Variants in VPS13B observed in about 807,000 individuals in gnomAD.
VPS13B encodes the protein vacuolar protein sorting 13 homolog B.
VPS13B carries 285 observed loss-of-function variants against 426.4 expected under a neutral mutation model. The ratio of observed to expected loss-of-function variants is 0.67; its 90% CI spans 0.61 to 0.74. The LOEUF is 0.74. Ranked by LOEUF, VPS13B falls within the 30% of genes least tolerant of loss-of-function variation. VPS13B has a pLI of 0.00. For synonymous variants in VPS13B, 1,676 were observed against 1,676.4 expected (o/e 1.00, Z 0.01); for missense variants, 4,537 against 4,782.6 (o/e 0.95, Z 1.51).
chr8:99,391,716 G>A lies in VPS13B; in HGVS notation c.3082+12G>A. The A allele has an allele frequency of 2.5e-6, 4 of 1,613,654 alleles. No homozygotes were observed. Among genetic ancestry groups the A allele is most frequent in the Non-Finnish European group, 2.5e-6 (3 of 1,179,766 alleles). ...AAAAACGGTAACAGGTATGTGTCAA[G>A]TACTGTAAAGGGACTATGATTGTAC... On this transcript the variant is annotated intron_variant, in intron 21 of 61. Transcript: ENST00000357162.
At chr8:99,442,345 G>A (rs960453523) in intron 22 of VPS13B, 56 bp from the exon 23 acceptor site, 51 of 1,477,900 alleles carry the variant, frequency 3.5e-5, no homozygotes, top group Non-Finnish European at 4.6e-5. Context: ...GATGTTAGGT[G>A]TTTGAAGGCA....
At chr8:99,184,147 T>G (rs1456524209) in intron 16 of VPS13B, among the ~76,000 whole-genome samples, 2 of 152,188 alleles carry the variant, frequency 1.3e-5, no homozygotes, top group African/African-American at 4.8e-5. Context: ...TTTGTGTTGC[T>G]TACACTTTTA....
chr8:99,820,199 C>A (rs1271474961), intron 49 of VPS13B, 77 bp downstream of exon 49: 1 of 1,399,714 alleles, frequency 7.1e-7, no homozygotes, highest in Non-Finnish European at 1.0e-6. Flanking sequence ...CGTTTATGAT[C>A]TTAACAGAAT....
rs781618624 is a variant in VPS13B at position 99,720,920 on chromosome 8, G to A, written c.6923G>A (p.Cys2308Tyr). The A allele has an allele frequency of 6.2e-7, 1 of 1,613,890 alleles. No homozygotes were observed. The highest frequency in any genetic ancestry group is 8.5e-7 in the Non-Finnish European group (1 of 1,179,910). Residue 2308 changes from cysteine to tyrosine, a missense_variant, in exon 39 of 62, where the codon TGC becomes TAC. Cys to Tyr is a radical substitution (Grantham distance 194). Around this residue, in one of 2 missense-constraint regions of VPS13B, gnomAD observed 4,311 missense variants for 4,474.3 expected, o/e 0.96. Coordinates refer to ENST00000357162, the MANE Select transcript of VPS13B (RefSeq NM_152564.5). ...TTATTTTATAATGAAACTGAAGATT[G>A]CCCAGGGATGATGTTATGGAGATAT... is the stretch of plus-strand genomic sequence containing the variant. ...EVLFYNETEDCPGMMLWRYPE... is the reference protein window; with the variant it reads ...EVLFYNETEDYPGMMLWRYPE...
chr8:99,656,346 G>A (rs553642520), intron 34 of VPS13B, among the ~76,000 whole-genome samples: 9 of 152,264 alleles, frequency 5.9e-5, no homozygotes, highest in African/African-American at 1.7e-4. Flanking sequence ...GGACAGGAGC[G>A]TAAATGTGCT....
intron 35 of VPS13B, among the ~76,000 whole-genome samples, chr8:99,692,627 A>C (rs1190798001): frequency 7.7e-6 from 1 of 129,496 alleles, no homozygotes; most frequent in Non-Finnish European, 1.6e-5. Flanking sequence ...CATCACAATT[A>C]AAAGAACTAG....
At chr8:99,131,855 T>A (rs554772595) in intron 8 of VPS13B, among the ~76,000 whole-genome samples, 1 of 152,246 alleles carries the variant, frequency 6.6e-6, no homozygotes, top group South Asian at 2.1e-4. Flanking sequence ...CATGGAAGAT[T>A]TCTCTGTAGC....
intron 36 of VPS13B, among the ~76,000 whole-genome samples, chr8:99,710,053 A>G (rs1006969531): frequency 3.3e-5 from 5 of 152,218 alleles, no homozygotes; most frequent in Non-Finnish European, 7.3e-5. Context: ...TGATGATTTT[A>G]TATCGTAAAC....
At chr8:99,089,150 CTT>C (rs1438441232) in intron 3 of VPS13B, among the ~76,000 whole-genome samples, 1 of 152,148 alleles carries the variant, frequency 6.6e-6, no homozygotes, top group East Asian at 1.9e-4. Flanking sequence ...CATTTAATCT[CTT>C]TATGCCTTCG....
intron 32 of VPS13B, 29 bp downstream of exon 32, chr8:99,575,813 G>A: frequency 6.2e-7 from 1 of 1,605,852 alleles, no homozygotes; most frequent in East Asian, 2.2e-5. Flanking sequence ...TTTTATTTTA[G>A]TCTAAATAAT....
intron 3 of VPS13B, among the ~76,000 whole-genome samples, chr8:99,039,014 A>G (rs1386473662): frequency 1.3e-5 from 2 of 152,094 alleles, no homozygotes; most frequent in East Asian, 1.9e-4. Flanking sequence ...TTTAAGTGAC[A>G]TGACTATTTG....
chr8:99,275,306 T>C, intron 19 of VPS13B, 52 bp downstream of exon 19: 2 of 1,472,710 alleles, frequency 1.4e-6, no homozygotes, highest in South Asian at 1.4e-5. Flanking sequence ...TTTTTTTTTT[T>C]TCCAGAAAGG....
intron 21 of VPS13B, among the ~76,000 whole-genome samples, chr8:99,395,068 T>A (rs1814654285): frequency 6.6e-6 from 1 of 152,194 alleles, no homozygotes; most frequent in African/African-American, 2.4e-5. Flanking sequence ...TGATTCCTCA[T>A]AGAAAGGAAA....
intron 25 of VPS13B, among the ~76,000 whole-genome samples, chr8:99,491,066 C>T (rs899451656): frequency 6.6e-6 from 1 of 152,298 alleles, no homozygotes; most frequent in Admixed American, 6.5e-5. Context: ...CCTCTACACA[C>T]GGCTTTAAAT....
In VPS13B at chr8:99,096,398, G is replaced by A. The variant is rs1281161057; in HGVS notation, c.378G>A (p.Gln126=). The A allele has an allele frequency of 6.2e-6, 10 of 1,613,986 alleles. No individual in the cohort carries two copies. In the East Asian group the frequency reaches 2.2e-4, roughly 36 times the overall value. Residue 126 remains glutamine (Q), a synonymous_variant, in exon 4 of 62, where the codon CAG becomes CAA. Coordinates refer to ENST00000357162, the MANE Select transcript of VPS13B (RefSeq NM_152564.5). ...TKSSIKPRRM[Q]QAAPTDPDLP... ...CATCAATCAAACCGCGGAGAATGCAGCAGGCTGCTCCTACAGATCCTGACT... is the reference window on the plus strand; with the variant it reads ...CATCAATCAAACCGCGGAGAATGCAACAGGCTGCTCCTACAGATCCTGACT...
chr8:99,233,146 C>T, intron 17 of VPS13B: 1 of 1,398,846 alleles, frequency 7.1e-7, no homozygotes, highest in Non-Finnish European at 1.0e-6. Flanking sequence ...TGCAGTCTGG[C>T]TAGCAAAGAA....
chr8:99,673,205 G>C (rs1486415683), intron 35 of VPS13B, among the ~76,000 whole-genome samples: 1 of 151,846 alleles, frequency 6.6e-6, no homozygotes, highest in Non-Finnish European at 1.5e-5. Flanking sequence ...AAGAATTGGT[G>C]GTATTAGATA....
chr8:99,338,609 A>T (rs1286434102), intron 19 of VPS13B, among the ~76,000 whole-genome samples: 1 of 152,160 alleles, frequency 6.6e-6, no homozygotes, highest in Non-Finnish European at 1.5e-5. Flanking sequence ...TTTGCCTAAC[A>T]TATAAAAATG....
intron 33 of VPS13B, among the ~76,000 whole-genome samples, chr8:99,597,780 G>A (rs1483860029): frequency 2.0e-5 from 3 of 151,958 alleles, no homozygotes; most frequent in Non-Finnish European, 4.4e-5. Context: ...CAGTTAAGTC[G>A]TTGGTATTTG....
Sources: gnomAD v4.1 joint callset for allele counts (sites outside exome capture counted in the v4.1 genomes callset) on GRCh38, gnomAD v4.1.1 for gene constraint, gnomAD v4.1.1 regional missense constraint, MANE v1.5 for transcripts, NCBI Gene and HGNC (gene_info 2026-07-23, HGNC 2026-07-21) for gene names.